Variants in ABHD18 observed in about 807,000 individuals in gnomAD.
ABHD18 encodes the protein cardiolipin-specific deacylase, mitochondrial.
Under a neutral mutation model 65.9 loss-of-function variants are expected in ABHD18, and 55 were observed. The observed-to-expected ratio is 0.84, with a 90% CI of 0.67 to 1.05. ABHD18 has a LOEUF of 1.05. Ranked by LOEUF, ABHD18 falls within the 50% of genes least tolerant of loss-of-function variation. The pLI is 0.00. For missense variants in ABHD18, 533 were observed against 558.5 expected, an observed-to-expected ratio of 0.95 and a Z score of 0.46; for synonymous variants, 181 against 180.2, an observed-to-expected ratio of 1.00 and a Z score of -0.04.
chr4:127,998,009 C>G (rs1560865739), intron 4 of ABHD18, among the ~76,000 whole-genome samples: 1 of 152,110 alleles, frequency 6.6e-6, no homozygotes, highest in Non-Finnish European at 1.5e-5. Flanking sequence ...CCAACCTCAG[C>G]CTCCTGAGTA....
chr4:127,974,922 G>T (rs1006003030), intron 1 of ABHD18, among the ~76,000 whole-genome samples: 1 of 150,546 alleles, frequency 6.6e-6, no homozygotes, highest in Non-Finnish European at 1.5e-5. Flanking sequence ...CTTGAACCCA[G>T]GAGGTGGAGG....
intron 6 of ABHD18, 56 bp downstream of exon 6, chr4:128,009,247 T>C: frequency 8.6e-7 from 1 of 1,160,726 alleles, no homozygotes; most frequent in South Asian, 2.3e-5. Context: ...TTGATATATT[T>C]AGTCATCAAA....
chr4:127,977,776 T>C (rs958356253), intron 1 of ABHD18, among the ~76,000 whole-genome samples: 2 of 152,156 alleles, frequency 1.3e-5, no homozygotes, highest in Non-Finnish European at 2.9e-5. Context: ...AGAATAAATT[T>C]TTTTTTTATG....
At chr4:127,999,888 A>G (rs1475439222) in intron 4 of ABHD18, among the ~76,000 whole-genome samples, 1 of 152,204 alleles carries the variant, frequency 6.6e-6, no homozygotes, top group Non-Finnish European at 1.5e-5. Context: ...CGCTGCTGAT[A>G]AAGACATACC....
chr4:128,013,085 A>G (rs75251498), intron 7 of ABHD18, among the ~76,000 whole-genome samples: 1 of 151,060 alleles, frequency 6.6e-6, no homozygotes, highest in Non-Finnish European at 1.5e-5. Context: ...AAAAAAAAAA[A>G]AGACAAGGAC....
At chr4:127,993,854 C>T (rs1751315956) in intron 4 of ABHD18, among the ~76,000 whole-genome samples, 1 of 148,390 alleles carries the variant, frequency 6.7e-6, no homozygotes, top group South Asian at 2.1e-4. Context: ...TTACCTGCTT[C>T]TCTATTTTTG....
chr4:127,989,737 A>T lies in ABHD18; in HGVS notation c.194A>T (p.Asp65Val), dbSNP rs1236149576. The T allele has an allele frequency of 1.9e-6, 3 of 1,587,026 alleles. No homozygotes were observed. Among genetic ancestry groups the T allele is most frequent in the Non-Finnish European group, 1.7e-6 (2 of 1,167,034 alleles). ...TTCTTTTAGATTGAAGAGCAATCAGATTGTAAGATCTTAGATGGACACTTT... is the reference window on the plus strand; with the variant it reads ...TTCTTTTAGATTGAAGAGCAATCAGTTTGTAAGATCTTAGATGGACACTTT... Reference protein sequence around the residue: ...VHIDKIEEQSDCKILDGHFVS... With the variant: ...VHIDKIEEQSVCKILDGHFVS... The change falls in exon 4 of 13, where the codon GAT becomes GTT. Residue 65 changes from aspartate (D) to valine (V), a missense_variant. Physicochemically the swap from Asp to Val is radical, Grantham distance 152. Coordinates refer to ENST00000645843, the MANE Select transcript of ABHD18 (RefSeq NM_001358451.3).
chr4:128,003,749 T>C (rs6846535), intron 4 of ABHD18, among the ~76,000 whole-genome samples: 105,725 of 151,690 alleles, frequency 0.7, 37,283 homozygotes, highest in Middle Eastern at 0.82. Flanking sequence ...AAAATTTACT[T>C]ATTTCAGGCT....
At chr4:127,969,814 G>A (rs548443255) in intron 1 of ABHD18, among the ~76,000 whole-genome samples, 4 of 151,172 alleles carry the variant, frequency 2.6e-5, no homozygotes, top group East Asian at 2.0e-4. Flanking sequence ...GTGGTGCAAC[G>A]ATGTGCACTG....
intron 12 of ABHD18, 181 bp downstream of exon 12, chr4:128,030,853 A>AT: frequency 2.2e-6 from 3 of 1,357,452 alleles, no homozygotes; most frequent in Non-Finnish European, 2.8e-6. Flanking sequence ...TGATCTTCTT[A>AT]TTTTCTTCTA....
intron 3 of ABHD18, among the ~76,000 whole-genome samples, chr4:127,989,388 A>G (rs1579219580): frequency 6.6e-6 from 1 of 152,316 alleles, no homozygotes; most frequent in East Asian, 1.9e-4. Flanking sequence ...ATAATTAACA[A>G]TAATTTATTG....
intron 1 of ABHD18, among the ~76,000 whole-genome samples, chr4:127,967,309 C>T (rs1745803790): frequency 6.6e-6 from 1 of 151,970 alleles, no homozygotes; most frequent in Admixed American, 6.6e-5. Context: ...AAGTAACTTG[C>T]CTAGGATCAT....
At chr4:128,035,447 C>T (rs1252764630) in intron 12 of ABHD18, among the ~76,000 whole-genome samples, 1 of 152,058 alleles carries the variant, frequency 6.6e-6, no homozygotes, top group East Asian at 1.9e-4. Flanking sequence ...GTGGTGCATG[C>T]CTGTAATTCT....
rs563884043 is a variant in ABHD18 at position 127,971,768 on chromosome 4, G to A, written c.-18+6162G>A. ...CTCCCAAAGTGCTGGGATTACAGGC[G>A]TGAGCCACCGCACCTGGCCTAAGAG... On this transcript the variant is annotated intron_variant, in intron 1 of 12. Coordinates refer to ENST00000645843, the MANE Select transcript of ABHD18 (RefSeq NM_001358451.3). 5.7e-4 allele frequency among the ~76,000 whole-genome samples: 86 copies of A among 152,182 alleles called. 2 individuals carry two copies. The highest frequency in any genetic ancestry group is 6.8e-3 in the Middle Eastern group (2 of 294).
Position 128,030,880 on chromosome 4 carries a change from G to T in ABHD18, c.1343+208G>T, listed in dbSNP as rs1385143793. 3 of 1,304,484 alleles carry T rather than the reference G, an allele frequency of 2.3e-6. No individual in the cohort carries two copies. The African/African-American group carries it at 4.6e-5, about 20-fold the overall frequency. 80.8% of individuals were successfully genotyped at this position (1,304,484 alleles called of 1,614,324 possible). ...TTTCTTCTAGAGAACTAAGCATGAT[G>T]CATATTATAGGCATGCTTTATCGTG... is the stretch of plus-strand genomic sequence containing the variant. On this transcript the variant is annotated intron_variant, in intron 12 of 12. Coordinates refer to ENST00000645843, the MANE Select transcript of ABHD18 (RefSeq NM_001358451.3).
intron 8 of ABHD18, among the ~76,000 whole-genome samples, chr4:128,018,006 C>T (rs1435878610): frequency 1.3e-5 from 2 of 152,130 alleles, no homozygotes; most frequent in Non-Finnish European, 2.9e-5. Context: ...AGTCTTTGTT[C>T]TGTCTTGTTC....
At chr4:127,994,672 A>C (rs916073326) in intron 4 of ABHD18, among the ~76,000 whole-genome samples, 1 of 152,200 alleles carries the variant, frequency 6.6e-6, no homozygotes, top group African/African-American at 2.4e-5. Flanking sequence ...TAGTATTCAA[A>C]TATTACCCAA....
intron 8 of ABHD18, among the ~76,000 whole-genome samples, chr4:128,018,969 G>A (rs1460444146): frequency 2.8e-5 from 4 of 141,402 alleles, no homozygotes; most frequent in African/African-American, 8.0e-5. Flanking sequence ...AGCTGAGATC[G>A]CACCACTGCA....
intron 1 of ABHD18, among the ~76,000 whole-genome samples, chr4:127,967,705 T>TA (rs1745894346): frequency 1.5e-5 from 2 of 131,214 alleles, no homozygotes; most frequent in Admixed American, 8.4e-5. Flanking sequence ...ATTGTACCAG[T>TA]AGGAAAAAAA....
Sources: allele counts gnomAD v4.1 joint callset (sites outside exome capture counted in the v4.1 genomes callset), GRCh38; gene constraint gnomAD v4.1.1; transcripts MANE v1.5; gene names NCBI Gene and HGNC (gene_info 2026-07-23, HGNC 2026-07-21).